PTK7: variants seen among roughly 807,000 people sequenced by gnomAD.
The protein encoded by PTK7 is inactive tyrosine-protein kinase 7.
PTK7 carries 39 observed loss-of-function variants against 116.6 expected under a neutral mutation model. The ratio of observed to expected loss-of-function variants is 0.33; its 90% confidence interval spans 0.26 to 0.44. PTK7 has a LOEUF of 0.44. Among genes scored for constraint, PTK7 ranks in the 20% least tolerant of loss-of-function variants. The pLI, the probability that PTK7 is intolerant of heterozygous loss-of-function variation, is 1.00. For missense variants in PTK7, 1,169 were observed against 1,425.6 expected, an observed-to-expected ratio of 0.82 and a Z score of 2.90; for synonymous variants, 546 against 563.6, an observed-to-expected ratio of 0.97 and a Z score of 0.44.
intron 17 of PTK7, among the ~76,000 whole-genome samples, chr6:43,151,030 C>T (rs1211424332): frequency 2.0e-5 from 3 of 151,398 alleles, no homozygotes; most frequent in South Asian, 2.1e-4. Flanking sequence ...ACCATATTGG[C>T]CAGGCTGGTC....
Position 43,129,888 on chromosome 6 carries a change from A to G in PTK7, c.470+59A>G, listed in dbSNP as rs1769549349. ...TATTCCGGACAGGGATGTCTCCCCA[A>G]ATCTTGGACTCTATGCGGATGTTAC... is the stretch of plus-strand genomic sequence containing the variant. On this transcript the variant is annotated intron_variant, in intron 3 of 19. Coordinates refer to ENST00000230419, the MANE Select transcript of PTK7 (RefSeq NM_002821.5). This position sits in a 1 kb window ranked among gnomAD's most constrained non-coding sequence, Gnocchi z 4.5. 1.0e-5 allele frequency: 15 copies of G among 1,505,764 alleles called. No individual in the cohort carries two copies. The Admixed American group carries it at 1.5e-4, about 15-fold the overall frequency. 93.3% of individuals were successfully genotyped at this position (1,505,764 alleles called of 1,614,324 possible).
At chr6:43,151,459 G>A (rs530096266) in intron 17 of PTK7, among the ~76,000 whole-genome samples, 2 of 151,444 alleles carry the variant, frequency 1.3e-5, no homozygotes, top group Non-Finnish European at 2.9e-5. Flanking sequence ...TGATCCGCCC[G>A]CCTCAGCCTC....
chr6:43,157,364 A>ATATATTTTTTTTTTTTT (rs70990168), intron 17 of PTK7, among the ~76,000 whole-genome samples: 1 of 54,364 alleles, frequency 1.8e-5, no homozygotes, highest in Admixed American at 2.4e-4. Context: ...ATATATATAT[A>ATATATTTTTTTTTTTTT]TTTTTTTTTT....
Position 43,142,319 on chromosome 6 carries a change from A to G in PTK7, c.2047+20A>G, listed in dbSNP as rs777687567. The G allele has an allele frequency of 1.4e-5, 22 of 1,613,918 alleles. No individual in the cohort carries two copies. The highest frequency in any genetic ancestry group is 1.8e-5 in the Non-Finnish European group (21 of 1,179,986). ...TCGTGGGTATGGGCTGGGGAGGGTT[A>G]TGCTGCACAGGAAGTGGTGGGCCCA... On this transcript the variant is annotated intron_variant, in intron 13 of 19. Coordinates refer to ENST00000230419, the MANE Select transcript of PTK7 (RefSeq NM_002821.5).
intron 1 of PTK7, among the ~76,000 whole-genome samples, chr6:43,088,734 G>T (rs1458257532): frequency 6.8e-6 from 1 of 147,346 alleles, no homozygotes; most frequent in Admixed American, 6.7e-5. Flanking sequence ...AATAAATAAA[G>T]AGTTATGGTG....
chr6:43,146,562 C>T (rs1770741536), intron 16 of PTK7, 56 bp from the exon 17 acceptor site: 1 of 1,536,030 alleles, frequency 6.5e-7, no homozygotes, highest in Non-Finnish European at 9.0e-7. Context: ...TGGTCTGAGG[C>T]TTTACAGCCA....
intron 1 of PTK7, among the ~76,000 whole-genome samples, chr6:43,086,011 G>A (rs1317424039): frequency 1.3e-5 from 2 of 151,190 alleles, no homozygotes; most frequent in Non-Finnish European, 2.9e-5. Context: ...TATTCCAACA[G>A]CAGCCCAGAA....
intron 17 of PTK7, among the ~76,000 whole-genome samples, chr6:43,156,228 C>CAAAA (rs5875828): frequency 1.9e-4 from 9 of 47,296 alleles, no homozygotes; most frequent in African/African-American, 5.9e-4. Context: ...TACCCTGTCT[C>CAAAA]AAAAAAAAAA....
At chr6:43,095,794 G>T (rs1057125145) in intron 1 of PTK7, among the ~76,000 whole-genome samples, 2 of 152,152 alleles carry the variant, frequency 1.3e-5, no homozygotes, top group Non-Finnish European at 2.9e-5. Context: ...GGGCATTTTT[G>T]ATGCAATACA....
At chr6:43,148,722 A>G (rs1015194970) in intron 17 of PTK7, among the ~76,000 whole-genome samples, 4 of 151,950 alleles carry the variant, frequency 2.6e-5, no homozygotes, top group Non-Finnish European at 5.9e-5. Context: ...GTTGGGTTCT[A>G]CACTCTCCAA....
At chr6:43,136,773 G>A (rs577761797) in intron 7 of PTK7, among the ~76,000 whole-genome samples, 1 of 152,218 alleles carries the variant, frequency 6.6e-6, no homozygotes, top group South Asian at 2.1e-4. Flanking sequence ...GGCCAAGGTG[G>A]GAGGACTGCT....
chr6:43,104,177 C>T (rs988493701), intron 1 of PTK7, among the ~76,000 whole-genome samples: 2 of 151,910 alleles, frequency 1.3e-5, no homozygotes, highest in African/African-American at 4.8e-5. Context: ...TTATTAATTA[C>T]AAAATAATAA....
chr6:43,092,289 T>G (rs1296965935), intron 1 of PTK7, among the ~76,000 whole-genome samples: 1 of 152,076 alleles, frequency 6.6e-6, no homozygotes, highest in Non-Finnish European at 1.5e-5. Context: ...TCCTCCCACC[T>G]CAGCCTCCCA....
At chr6:43,159,195 A>G (rs1335091230) in intron 18 of PTK7, among the ~76,000 whole-genome samples, 2 of 152,242 alleles carry the variant, frequency 1.3e-5, no homozygotes, top group African/African-American at 4.8e-5. Flanking sequence ...GATTAAATAA[A>G]TAAATAAACC....
At chr6:43,127,619 G>A (rs191584488) in intron 1 of PTK7, among the ~76,000 whole-genome samples, 1 of 152,278 alleles carries the variant, frequency 6.6e-6, no homozygotes, top group East Asian at 1.9e-4. Flanking sequence ...GCCACAGATG[G>A]ATTTTCAGGG....
intron 1 of PTK7, among the ~76,000 whole-genome samples, chr6:43,107,622 C>G (rs146363529): frequency 1.2e-3 from 185 of 152,312 alleles, no homozygotes; most frequent in African/African-American, 4.2e-3. Context: ...TTGTGTGTTT[C>G]TCTCTCTGTC....
chr6:43,086,399 T>A (rs1766653307), intron 1 of PTK7, among the ~76,000 whole-genome samples: 2 of 150,134 alleles, frequency 1.3e-5, no homozygotes, highest in South Asian at 4.2e-4. Flanking sequence ...CAACCTCCCC[T>A]CCAGGAGACA....
Position 43,159,960 on chromosome 6 carries a change from C to T in PTK7, c.3046C>T (p.Leu1016=), listed in dbSNP as rs1233279154. 1 of 1,613,400 alleles carries T rather than the reference C, an allele frequency of 6.2e-7. No individual in the cohort carries two copies. The highest frequency in any genetic ancestry group is 1.7e-5 in the Admixed American group (1 of 59,972). ...TGGTGGGCAGGCAGATGATGAAGTA[C>T]TGGCAGGTAGGCAGCCTTGCTGCTA... ...PHGGQADDEV[L]ADLQAGKARL... is the part of the protein sequence containing the mutation. The change falls in exon 19 of 20, where the codon CTG becomes TTG. Residue 1016 remains leucine, a synonymous_variant. Coordinates refer to ENST00000230419, the MANE Select transcript of PTK7 (RefSeq NM_002821.5).
In PTK7 at chr6:43,129,407, C is replaced by A; in HGVS notation, c.367+143C>A. 8.8e-7 allele frequency: 1 copy of A among 1,136,958 alleles called. No individual in the cohort carries two copies. Among genetic ancestry groups the A allele is most frequent in the South Asian group, 1.6e-5 (1 of 62,142 alleles). 70.4% of individuals were successfully genotyped at this position (1,136,958 alleles called of 1,614,324 possible). A position where few individuals can be genotyped will look rare whatever the true frequency, so the allele number is the denominator to read the frequency against. ...GCATTTATCATCAGCTTTTTTTGCT[C>A]ATGTGGATAAGAGGAAATTAAAAGT... On this transcript the variant is annotated intron_variant, in intron 2 of 19. Coordinates refer to ENST00000230419, the MANE Select transcript of PTK7 (RefSeq NM_002821.5). This position sits in a 1 kb window ranked among gnomAD's most constrained non-coding sequence, Gnocchi z 4.5.
Sources: gnomAD v4.1 joint callset for allele counts (sites outside exome capture counted in the v4.1 genomes callset) on GRCh38, gnomAD v4.1.1 for gene constraint, Gnocchi (gnomAD v3.1) non-coding constraint, MANE v1.5 for transcripts, NCBI Gene and HGNC (gene_info 2026-07-23, HGNC 2026-07-21) for gene names.